The following RARB variants were observed in gnomAD, a reference collection of about 807,000 sequenced individuals.
The protein encoded by RARB is HBV-activated protein.
In RARB, 17 loss-of-function variants were observed where a neutral mutation model predicts 51.9. That is an observed-to-expected ratio of 0.33 (90% CI 0.22 to 0.49). The LOEUF (loss-of-function observed/expected upper bound fraction) is 0.49, where lower values mean the gene tolerates loss of function less well. Among genes scored for constraint, RARB ranks in the 20% least tolerant of loss-of-function variants. RARB has a pLI of 0.99. For synonymous variants in RARB, 215 were observed against 195.4 expected (o/e 1.10, Z -0.84); for missense variants, 369 against 550.8 (o/e 0.67, Z 3.30).
chr3:24,871,232 T>C (rs1329364177), intron 2 of RARB, among the ~76,000 whole-genome samples: 2 of 152,200 alleles, frequency 1.3e-5, no homozygotes, highest in Admixed American at 1.3e-4. Flanking sequence ...TTCACTTCTA[T>C]TCCTAATTTT....
intron 2 of RARB, among the ~76,000 whole-genome samples, chr3:24,876,343 T>G (rs1226120732): frequency 6.6e-6 from 1 of 152,148 alleles, no homozygotes. Flanking sequence ...TAATGGTAAT[T>G]TTCTGCTTCC....
intron 5 of RARB, among the ~76,000 whole-genome samples, chr3:25,368,969 TA>T (rs922034121): frequency 2.1e-4 from 32 of 152,282 alleles, no homozygotes; most frequent in Admixed American, 2.0e-3. Flanking sequence ...TACTTACATG[TA>T]AAAAAATTAC....
chr3:24,882,545 T>C (rs1333338500), intron 2 of RARB, among the ~76,000 whole-genome samples: 2 of 152,230 alleles, frequency 1.3e-5, no homozygotes, highest in Non-Finnish European at 2.9e-5. Context: ...AAAGGGTGAC[T>C]GTAGTTAATT....
At chr3:25,313,055 C>G (rs1034638652) in intron 5 of RARB, among the ~76,000 whole-genome samples, 5 of 152,226 alleles carry the variant, frequency 3.3e-5, no homozygotes, top group African/African-American at 1.2e-4. Context: ...AGATTACTTT[C>G]CATGTTAAGG....
At chr3:25,127,988 G>C (rs535012787) in intron 3 of RARB, among the ~76,000 whole-genome samples, 2 of 152,078 alleles carry the variant, frequency 1.3e-5, no homozygotes, top group Admixed American at 6.5e-5. Context: ...TATGGCAAAT[G>C]CATCTGATAG....
At chr3:25,100,087 CTCAT>C (rs1575160113) in intron 3 of RARB, among the ~76,000 whole-genome samples, 2 of 152,238 alleles carry the variant, frequency 1.3e-5, no homozygotes, top group East Asian at 1.9e-4. Flanking sequence ...TAACAAAGTG[CTCAT>C]TCATTCATTC....
chr3:25,476,017 T>G (rs576022707), intron 2 of RARB, among the ~76,000 whole-genome samples: 10 of 152,334 alleles, frequency 6.6e-5, no homozygotes, highest in Non-Finnish European at 1.3e-4. Flanking sequence ...CCAAGACTGA[T>G]GGAGTCACCT....
At chr3:25,092,034 A>T (rs1699208317) in intron 3 of RARB, among the ~76,000 whole-genome samples, 1 of 152,166 alleles carries the variant, frequency 6.6e-6, no homozygotes, top group African/African-American at 2.4e-5. Flanking sequence ...GTATTTGGAT[A>T]ATTGAATGGC....
chr3:25,267,467 T>C lies in RARB; in HGVS notation c.178+92892T>C, dbSNP rs897960217. ...CAGATGTCCTGAAGTCTCTATTTTT[T>C]AGTCTTTTCTGAGTTTAAATTGTTT... On this transcript the variant is annotated intron_variant, in intron 5 of 11. Transcript: ENST00000383772. 5.9e-4 allele frequency among the ~76,000 whole-genome samples: 90 copies of C among 152,186 alleles called. 1 individual carries two copies. The highest frequency in any genetic ancestry group is 5.8e-3 in the Admixed American group (88 of 15,266).
rs891146761 is a variant in RARB at position 25,070,711 on chromosome 3, A to G, written c.-328+10535A>G. The stretch of plus-strand genomic sequence containing the variant: ...TAACCATCATGACAACCCTATGTGG[A>G]AAGTTCAAGGTAAAGCCTGTTTTTT... On this transcript the variant is annotated intron_variant, in intron 3 of 11. Transcript: ENST00000383772. Among the ~76,000 whole-genome samples, 4 of 152,224 alleles carry G rather than the reference A, an allele frequency of 2.6e-5. No homozygotes were observed. The East Asian group carries it at 7.7e-4, about 29-fold the overall frequency.
intron 1 of RARB, among the ~76,000 whole-genome samples, chr3:24,841,819 T>G (rs960886861): frequency 4.6e-5 from 7 of 152,214 alleles, no homozygotes; most frequent in African/African-American, 1.7e-4. Context: ...ATATACACAC[T>G]GCACACATTT....
chr3:25,142,998 C>T (rs1700134374), intron 4 of RARB, among the ~76,000 whole-genome samples: 1 of 152,114 alleles, frequency 6.6e-6, no homozygotes, highest in African/African-American at 2.4e-5. Flanking sequence ...ATTTTCTGGA[C>T]TATTTCTGAA....
At chr3:25,159,750 C>G (rs928597182) in intron 4 of RARB, among the ~76,000 whole-genome samples, 10 of 151,982 alleles carry the variant, frequency 6.6e-5, no homozygotes, top group African/African-American at 2.4e-4. Context: ...AGCCAAGCTG[C>G]CAGAGTTAGG....
chr3:25,125,714 C>A (rs1398532991), intron 3 of RARB, among the ~76,000 whole-genome samples: 1 of 152,136 alleles, frequency 6.6e-6, no homozygotes, highest in Non-Finnish European at 1.5e-5. Flanking sequence ...GGAAACTTCT[C>A]AATCAGCAAC....
At chr3:25,001,452 C>G (rs1265970331) in intron 2 of RARB, among the ~76,000 whole-genome samples, 1 of 152,110 alleles carries the variant, frequency 6.6e-6, no homozygotes, top group Non-Finnish European at 1.5e-5. Context: ...TTGCCCTTAT[C>G]CTTCTCAATT....
intron 3 of RARB, among the ~76,000 whole-genome samples, chr3:25,079,158 A>G (rs1033674524): frequency 3.9e-5 from 6 of 151,942 alleles, no homozygotes; most frequent in Non-Finnish European, 7.4e-5. Flanking sequence ...TGTCAACAGT[A>G]TTGTATTTTA....
chr3:25,214,879 C>T (rs1701785564), intron 5 of RARB, among the ~76,000 whole-genome samples: 1 of 152,162 alleles, frequency 6.6e-6, no homozygotes, highest in South Asian at 2.1e-4. Context: ...GACCTTCACC[C>T]ATCCACTTTC....
intron 2 of RARB, among the ~76,000 whole-genome samples, chr3:24,983,245 C>T (rs1696715580): frequency 1.3e-5 from 2 of 151,916 alleles, no homozygotes; most frequent in Admixed American, 1.3e-4. Flanking sequence ...TACCTGAGCA[C>T]TTACATACTA....
At chr3:25,523,116 A>G (rs2125634181) in intron 3 of RARB, among the ~76,000 whole-genome samples, 2 of 152,032 alleles carry the variant, frequency 1.3e-5, no homozygotes, top group East Asian at 3.9e-4. Flanking sequence ...ATATGTGCCC[A>G]AATGTATTGA....
Sources: gnomAD v4.1 joint callset for allele counts (sites outside exome capture counted in the v4.1 genomes callset) on GRCh38, gnomAD v4.1.1 for gene constraint, MANE v1.5 for transcripts, NCBI Gene and HGNC (gene_info 2026-07-23, HGNC 2026-07-21) for gene names.